Variants in DENND1A observed in about 807,000 individuals in gnomAD.
The protein encoded by DENND1A is DENN domain containing 1A.
Under a neutral mutation model 113.7 loss-of-function variants are expected in DENND1A, and 51 were observed. The ratio of observed to expected loss-of-function variants is 0.45; its 90% CI spans 0.36 to 0.57. The LOEUF (loss-of-function observed/expected upper bound fraction) is 0.57, where lower values mean the gene tolerates loss of function less well. Ranked by LOEUF, DENND1A falls within the 20% of genes least tolerant of loss-of-function variation. DENND1A has a pLI of 0.00. For synonymous variants in DENND1A, 565 were observed against 570.8 expected (o/e 0.99, Z 0.14); for missense variants, 1,258 against 1,395.9 (o/e 0.90, Z 1.57).
intron 1 of DENND1A, among the ~76,000 whole-genome samples, chr9:123,897,785 T>G (rs1210285604): frequency 1.3e-5 from 2 of 151,790 alleles, no homozygotes; most frequent in African/African-American, 4.8e-5. Flanking sequence ...CTGGGGAGCA[T>G]AGCAAGACCC....
chr9:123,717,668 G>A (rs1023149088), intron 5 of DENND1A, among the ~76,000 whole-genome samples: 1 of 152,204 alleles, frequency 6.6e-6, no homozygotes, highest in Non-Finnish European at 1.5e-5. Context: ...CTATTTTAAT[G>A]TAAGGCTTTT....
intron 12 of DENND1A, among the ~76,000 whole-genome samples, chr9:123,582,805 TTCTCCTG>T: frequency 6.6e-6 from 1 of 152,304 alleles, no homozygotes; most frequent in African/African-American, 2.4e-5. Flanking sequence ...GTTCAAGTGA[TTCTCCTG>T]CCTCAGCTCC....
At chr9:123,587,359 T>C (rs770380085) in intron 11 of DENND1A, among the ~76,000 whole-genome samples, 1 of 152,210 alleles carries the variant, frequency 6.6e-6, no homozygotes, top group Non-Finnish European at 1.5e-5. Flanking sequence ...AATCTTTCCG[T>C]AACCTATGAT....
At chr9:123,411,904 G>A in intron 19 of DENND1A, 75 bp from the exon 20 acceptor site, 4 of 953,300 alleles carry the variant, frequency 4.2e-6, no homozygotes, top group Non-Finnish European at 5.0e-6. Context: ...CGGCCTGGAG[G>A]AAGGCACCCA....
chr9:123,525,104 C>G (rs888797160), intron 13 of DENND1A, among the ~76,000 whole-genome samples: 1 of 152,168 alleles, frequency 6.6e-6, no homozygotes, highest in Non-Finnish European at 1.5e-5. Context: ...AATGCTGAGG[C>G]TCCGAAAAAG....
chr9:123,409,539 G>A (rs1395745331), intron 20 of DENND1A, among the ~76,000 whole-genome samples: 3 of 151,428 alleles, frequency 2.0e-5, no homozygotes, highest in South Asian at 2.1e-4. Flanking sequence ...GGTCCAGAGA[G>A]CTTGGAATAC....
At chr9:123,416,024 C>T (rs141488131) in intron 19 of DENND1A, among the ~76,000 whole-genome samples, 1 of 152,166 alleles carries the variant, frequency 6.6e-6, no homozygotes, top group African/African-American at 2.4e-5. Context: ...AAAGCATGCT[C>T]TCTTCCAGAG....
chr9:123,822,770 G>C (rs1236997694), intron 2 of DENND1A, among the ~76,000 whole-genome samples: 1 of 152,128 alleles, frequency 6.6e-6, no homozygotes, highest in Non-Finnish European at 1.5e-5. Context: ...TATTTTCTCT[G>C]ATAATTGCTA....
intron 9 of DENND1A, among the ~76,000 whole-genome samples, chr9:123,651,379 A>AGCACATGCACGTACACACGTGC (rs1158762143): frequency 6.6e-6 from 1 of 152,260 alleles, no homozygotes; most frequent in Non-Finnish European, 1.5e-5. Flanking sequence ...AAAACACCTG[A>AGCACATGCACGTACACACGTGC]GCACATGCAC....
At chr9:123,876,790 C>T (rs1449096932) in intron 2 of DENND1A, among the ~76,000 whole-genome samples, 1 of 152,112 alleles carries the variant, frequency 6.6e-6, no homozygotes, top group Non-Finnish European at 1.5e-5. Flanking sequence ...TATAGAAGCA[C>T]TATTTACAAT....
chr9:123,923,701 C>T (rs1273274331), intron 1 of DENND1A, among the ~76,000 whole-genome samples: 2 of 152,128 alleles, frequency 1.3e-5, no homozygotes, highest in Non-Finnish European at 2.9e-5. Flanking sequence ...CTTTGGTAAT[C>T]CCCCTCCATT....
intron 13 of DENND1A, among the ~76,000 whole-genome samples, chr9:123,514,276 G>T (rs913700217): frequency 6.6e-6 from 1 of 152,048 alleles, no homozygotes; most frequent in Non-Finnish European, 1.5e-5. Context: ...GGGCAAGGAG[G>T]GCCTGAGCCA....
chr9:123,834,164 A>G (rs903905988), intron 2 of DENND1A, among the ~76,000 whole-genome samples: 1 of 152,234 alleles, frequency 6.6e-6, no homozygotes, highest in African/African-American at 2.4e-5. Context: ...GACATTTGAT[A>G]CCTTTGCCAA....
At chr9:123,893,795 G>T (rs1012945523) in intron 1 of DENND1A, among the ~76,000 whole-genome samples, 4 of 152,262 alleles carry the variant, frequency 2.6e-5, no homozygotes, top group Admixed American at 6.5e-5. Context: ...ACTTCAAAGG[G>T]CATGCTCTTT....
At chr9:123,802,280 T>C (rs1445499153) in intron 2 of DENND1A, among the ~76,000 whole-genome samples, 2 of 152,158 alleles carry the variant, frequency 1.3e-5, no homozygotes, top group South Asian at 2.1e-4. Context: ...GGAGGTGGGA[T>C]AGATGGCCTC....
At chr9:123,702,578 T>C in intron 5 of DENND1A, among the ~76,000 whole-genome samples, 1 of 151,882 alleles carries the variant, frequency 6.6e-6, no homozygotes, top group Non-Finnish European at 1.5e-5. Flanking sequence ...AAGCAAATAA[T>C]ATATAAGAGA....
chr9:123,457,395 C>T lies in DENND1A; in HGVS notation c.1139G>A (p.Gly380Asp), dbSNP rs1189533917. The change falls in exon 15 of 24, where the codon GGT (glycine) becomes GAT (aspartate). Residue 380 changes from glycine (G) to aspartate (D), a missense_variant. By Grantham distance (94) the Gly-to-Asp change is moderately conservative. Coordinates refer to ENST00000394215, the MANE Select transcript of DENND1A (RefSeq NM_001352964.2). ...TTCCTCTTCAAAAACATCACTGAAA[C>T]CTTCGCCGGAATTGAGAAGATCTAA... ...GRLDLLNSGE[G>D]FSDVFEEEIN... is the part of the protein sequence containing the mutation. 2.5e-6 allele frequency: 4 copies of T among 1,614,000 alleles called. No homozygotes were observed. The highest frequency in any genetic ancestry group is 3.4e-6 in the Non-Finnish European group (4 of 1,179,994).
At chr9:123,533,636 T>C (rs1347590853) in intron 13 of DENND1A, among the ~76,000 whole-genome samples, 1 of 152,148 alleles carries the variant, frequency 6.6e-6, no homozygotes, top group Non-Finnish European at 1.5e-5. Flanking sequence ...ACCAGTCAGG[T>C]AGGTGGAGAG....
At chr9:123,903,054 C>T (rs1015445390) in intron 1 of DENND1A, among the ~76,000 whole-genome samples, 4 of 152,056 alleles carry the variant, frequency 2.6e-5, no homozygotes, top group South Asian at 2.1e-4. Context: ...GGAAAAAGGC[C>T]GGGCGCGGTG....
Sources: gnomAD v4.1 joint callset for allele counts (sites outside exome capture counted in the v4.1 genomes callset) on GRCh38, gnomAD v4.1.1 for gene constraint, MANE v1.5 for transcripts, NCBI Gene and HGNC (gene_info 2026-07-23, HGNC 2026-07-21) for gene names.